CAND2: variants seen among roughly 807,000 people sequenced by gnomAD.
CAND2 encodes cullin associated and neddylation dissociated 2 (putative), also known as cullin-associated NEDD8-dissociated protein 2.
A neutral mutation model predicts 98.9 loss-of-function variants in CAND2; 62 were observed. The observed-to-expected ratio is 0.63, with a 90% confidence interval of 0.51 to 0.77. The LOEUF (loss-of-function observed/expected upper bound fraction) is 0.77. Ranked by LOEUF, CAND2 falls within the 30% of genes least tolerant of loss-of-function variation. CAND2 has a pLI of 0.00. For synonymous variants in CAND2, 770 were observed against 731.9 expected, an observed-to-expected ratio of 1.05 and a Z score of -0.84; for missense variants, 1,501 against 1,655.2, an observed-to-expected ratio of 0.91 and a Z score of 1.62.
chr3:12,812,180 A>G (rs1462810078), intron 5 of CAND2, among the ~76,000 whole-genome samples: 1 of 141,300 alleles, frequency 7.1e-6, no homozygotes, highest in Non-Finnish European at 1.5e-5. Flanking sequence ...AAGTGCTGGG[A>G]TTACAGGTGT....
intron 10 of CAND2, among the ~76,000 whole-genome samples, chr3:12,818,193 G>A (rs1403478862): frequency 1.3e-5 from 2 of 152,066 alleles, no homozygotes; most frequent in Non-Finnish European, 2.9e-5. Context: ...GGGAGGCTGA[G>A]GTGGGTGGAT....
chr3:12,803,138 C>T (rs971734338), intron 1 of CAND2, among the ~76,000 whole-genome samples: 5 of 151,924 alleles, frequency 3.3e-5, no homozygotes, highest in Admixed American at 1.3e-4. Flanking sequence ...TACAGGCGCC[C>T]GCCACCACAC....
Position 12,827,580 on chromosome 3 carries a change from G to A in CAND2, c.3351G>A (p.Gly1117=). 2.5e-6 allele frequency: 4 copies of A among 1,613,042 alleles called. No individual in the cohort carries two copies. The highest frequency in any genetic ancestry group is 1.7e-6 in the Non-Finnish European group (2 of 1,179,364). ...AGTTCCTGAACCATGTGGAGGACGG[G>A]CTGAAGGACCACTACGACATCCGGG... ...ICEFLNHVED[G]LKDHYDIRML... is the part of the protein sequence containing the mutation. The change falls in exon 13 of 15, where the codon GGG becomes GGA. Residue 1117 remains glycine (G), a synonymous_variant. Coordinates refer to ENST00000456430, the MANE Select transcript of CAND2 (RefSeq NM_001162499.2).
intron 7 of CAND2, among the ~76,000 whole-genome samples, chr3:12,814,910 C>T (rs1011615973): frequency 6.6e-6 from 1 of 152,128 alleles, no homozygotes; most frequent in African/African-American, 2.4e-5. Context: ...CTCAAAAGGT[C>T]GTCATGAAGC....
intron 11 of CAND2, among the ~76,000 whole-genome samples, chr3:12,821,627 C>T (rs2061957899): frequency 6.6e-6 from 1 of 152,218 alleles, no homozygotes; most frequent in Admixed American, 6.5e-5. Flanking sequence ...TGGCTAGCAC[C>T]ACCAGCGACC....
rs1455228177 is a variant in CAND2 at position 12,796,710 on chromosome 3, G to A, written c.-11G>A. On this transcript the variant is annotated 5_prime_UTR_variant, in exon 1 of 15. Coordinates refer to ENST00000456430, the MANE Select transcript of CAND2 (RefSeq NM_001162499.2). ...CCCTCCCGCCGGCCGGCTCCGCGGCGCGCAGCCACCATGAGCACCGCCGCC... is the reference window on the plus strand; with the variant it reads ...CCCTCCCGCCGGCCGGCTCCGCGGCACGCAGCCACCATGAGCACCGCCGCC... The A allele has an allele frequency of 1.3e-6, 2 of 1,569,664 alleles. No homozygotes were observed. Among genetic ancestry groups the A allele is most frequent in the Non-Finnish European group, 1.7e-6 (2 of 1,158,510 alleles).
chr3:12,816,090 T>C lies in CAND2; in HGVS notation c.1441+82T>C, dbSNP rs2061896893. ...CCCACCCCTGAGTTGAGCCCCCAGT[T>C]CCTGAGACAGTCTGAGACCCAATCC... is the stretch of plus-strand genomic sequence containing the variant. On this transcript the variant is annotated intron_variant, in intron 9 of 14. Coordinates refer to ENST00000456430, the MANE Select transcript of CAND2 (RefSeq NM_001162499.2). The C allele has an allele frequency of 5.0e-6, 7 of 1,413,332 alleles. No individual in the cohort carries two copies. The South Asian group carries it at 7.6e-5, about 15-fold the overall frequency. 87.5% of individuals were successfully genotyped at this position (1,413,332 alleles called of 1,614,324 possible). A position where few individuals can be genotyped will look rare whatever the true frequency, so the allele number is the denominator to read the frequency against.
At chr3:12,812,132 C>T (rs2061856106) in intron 5 of CAND2, among the ~76,000 whole-genome samples, 1 of 150,316 alleles carries the variant, frequency 6.7e-6, no homozygotes, top group Admixed American at 6.6e-5. Flanking sequence ...TGGTCTCGAA[C>T]TCCTGACCTC....
In CAND2 at chr3:12,816,581, G is replaced by A. The variant is rs377274058; in HGVS notation, c.1649G>A (p.Arg550Gln). 4.7e-5 allele frequency: 76 copies of A among 1,613,908 alleles called. No individual in the cohort carries two copies. The African/African-American group carries it at 7.7e-4, about 16-fold the overall frequency. Residue 550 changes from arginine to glutamine, a missense_variant, in exon 10 of 15, where the codon CGG becomes CAG. This residue lies in a region of CAND2 where 1,427 missense variants were observed against 1,545.3 expected (regional missense o/e 0.92). Transcript: ENST00000456430. ...CTGGTGGTGCTGCAGGAGCTGGTGC[G>A]GGCCCTGTGGCCGCTGCACAGGCCT... is the stretch of plus-strand genomic sequence containing the variant. The part of the protein sequence containing the change: ...EALVVLQELV[R>Q]ALWPLHRPRM...
At chr3:12,830,224 A>T (rs2062042206) in intron 13 of CAND2, among the ~76,000 whole-genome samples, 1 of 152,152 alleles carries the variant, frequency 6.6e-6, no homozygotes, top group Admixed American at 6.5e-5. Context: ...GAAACAACAT[A>T]AGTTCTCTGG....
At chr3:12,820,029 G>A in intron 10 of CAND2, 57 bp from the exon 11 acceptor site, 1 of 1,402,468 alleles carries the variant, frequency 7.1e-7, no homozygotes, top group East Asian at 2.3e-5. Context: ...CTTCTGATCT[G>A]TGAGCCTCCA....
chr3:12,833,702 G>C (rs1205176163), intron 14 of CAND2, 53 bp from the exon 15 acceptor site: 99 of 1,401,930 alleles, frequency 7.1e-5, no homozygotes, highest in Non-Finnish European at 9.0e-5. Context: ...AGGAGGCAGT[G>C]GTGTGGGCCA....
Position 12,808,254 on chromosome 3 carries a change from C to A in CAND2, c.412C>A (p.Leu138Ile), listed in dbSNP as rs1055590429. ...TNVCRKITGQ[L>I]TSAIAQQEDV... ...CGTGTGCCGGAAGATCACAGGCCAGCTCACCAGTGCCATTGCCCAGCAGGA... is the reference window on the plus strand; with the variant it reads ...CGTGTGCCGGAAGATCACAGGCCAGATCACCAGTGCCATTGCCCAGCAGGA... Residue 138 changes from leucine (L) to isoleucine (I), a missense_variant, in exon 4 of 15, where the codon CTC becomes ATC. Leu to Ile is a conservative substitution (Grantham distance 5). Around this residue, in one of 3 missense-constraint regions of CAND2, gnomAD observed 1,427 missense variants for 1,545.3 expected, o/e 0.92. Coordinates refer to ENST00000456430, the MANE Select transcript of CAND2 (RefSeq NM_001162499.2). The A allele has an allele frequency of 1.2e-5, 18 of 1,551,306 alleles. No individual in the cohort carries two copies. The East Asian group carries it at 4.4e-4, about 38-fold the overall frequency.
In CAND2 at chr3:12,813,276, C is replaced by T; in HGVS notation, c.894C>T (p.Pro298=). 2 of 1,613,732 alleles carry T rather than the reference C, an allele frequency of 1.2e-6. No individual in the cohort carries two copies. The highest frequency in any genetic ancestry group is 2.2e-5 in the South Asian group (2 of 91,040). Residue 298 remains proline, a synonymous_variant, in exon 7 of 15, where the codon CCC becomes CCT. Transcript: ENST00000456430. ...CCAAGGAAATGGGTCCTCACGTGCCCAACGTGACCAGCCTCTGCCTCCAAT... is the reference window on the plus strand; with the variant it reads ...CCAAGGAAATGGGTCCTCACGTGCCTAACGTGACCAGCCTCTGCCTCCAAT... ...KCPKEMGPHV[P]NVTSLCLQYI... is the part of the protein sequence containing the mutation.
rs62637644 is a variant in CAND2, at chr3:12,815,231, G to A, written c.1097G>A (p.Arg366Gln). Residue 366 changes from arginine (R) to glutamine (Q), a missense_variant, in exon 8 of 15, where the codon CGG (arginine) becomes CAG (glutamine). Transcript: ENST00000456430. The surrounding 1 kb of genome is among the most constrained non-coding windows in gnomAD (Gnocchi z 5.7). ...TGCATCGCAGCCTTGATCAGCTCGC[G>A]GCCTGACCTGCTGCCCGATTTCCAC... Reference protein sequence around the residue: ...AKCIAALISSRPDLLPDFHCT... With the variant: ...AKCIAALISSQPDLLPDFHCT... 2.7e-4 allele frequency: 437 copies of A among 1,613,624 alleles called. No individual in the cohort carries two copies. In the Middle Eastern group the frequency reaches 9.5e-3, roughly 35 times the overall value.
intron 9 of CAND2, 148 bp from the exon 10 acceptor site, chr3:12,816,226 G>C: frequency 1.1e-6 from 1 of 876,222 alleles, no homozygotes; most frequent in South Asian, 1.7e-5. Flanking sequence ...CTGGCCACTG[G>C]TCAGGGCTGA....
rs1303907208 is a variant in CAND2 at position 12,810,044 on chromosome 3, C to T, written c.492-15C>T. 9 of 1,405,020 alleles carry T rather than the reference C, an allele frequency of 6.4e-6. No individual in the cohort carries two copies. Among genetic ancestry groups the T allele is most frequent in the Middle Eastern group, 1.9e-4 (1 of 5,362 alleles). The allele number at this position is 1,405,020 out of a possible 1,614,324, so 87.0% of individuals were successfully genotyped here. On this transcript the variant is annotated splice_polypyrimidine_tract_variant and intron_variant, in intron 4 of 14. Coordinates refer to ENST00000456430, the MANE Select transcript of CAND2 (RefSeq NM_001162499.2). ...GCGGAGTGCGATCGGCCTGATGCCC[C>T]CTCGTGCTCCCCAGGCTGGGTGTCC...
intron 5 of CAND2, among the ~76,000 whole-genome samples, chr3:12,810,950 C>G (rs1323988463): frequency 6.6e-6 from 1 of 152,214 alleles, no homozygotes; most frequent in Non-Finnish European, 1.5e-5. Context: ...TGCTTTCTGT[C>G]ACTATAGATT....
intron 4 of CAND2, 99 bp downstream of exon 4, chr3:12,808,432 T>C (rs2061824144): frequency 2.3e-6 from 3 of 1,325,976 alleles, no homozygotes; most frequent in African/African-American, 2.9e-5. Flanking sequence ...CCAGGCCCTG[T>C]GCTTGGGGCT....
Sources: gnomAD v4.1 joint callset for allele counts (sites outside exome capture counted in the v4.1 genomes callset) on GRCh38, gnomAD v4.1.1 for gene constraint, gnomAD v4.1.1 regional missense constraint, Gnocchi (gnomAD v3.1) non-coding constraint, MANE v1.5 for transcripts, NCBI Gene and HGNC (gene_info 2026-07-23, HGNC 2026-07-21) for gene names.